The following SPIRE1 variants were observed in gnomAD, a reference collection of about 807,000 sequenced individuals.
The protein encoded by SPIRE1 is protein spire homolog 1.
SPIRE1 carries 40 observed loss-of-function variants against 94.1 expected under a neutral mutation model. The observed-to-expected ratio is 0.43, with a 90% CI of 0.33 to 0.55. SPIRE1 has a LOEUF of 0.55. Among genes scored for constraint, SPIRE1 ranks in the 20% least tolerant of loss-of-function variants. The pLI, the probability that SPIRE1 is intolerant of heterozygous loss-of-function variation, is 0.06. For missense variants in SPIRE1, 838 were observed against 975.2 expected (o/e 0.86, Z 1.87); for synonymous variants, 376 against 371.7 (o/e 1.01, Z -0.13).
chr18:12,600,102 C>CAAA (rs58628339), intron 2 of SPIRE1, among the ~76,000 whole-genome samples: 2,411 of 118,376 alleles, frequency 0.02, 104 homozygotes, highest in African/African-American at 0.07. Context: ...CAATGGCCAG[C>CAAA]AAAAAAAAAA....
intron 12 of SPIRE1, among the ~76,000 whole-genome samples, chr18:12,456,790 A>G (rs2031526929): frequency 6.6e-6 from 1 of 152,152 alleles, no homozygotes; most frequent in Non-Finnish European, 1.5e-5. Flanking sequence ...CATATTTTCA[A>G]CTCACTGCTT....
chr18:12,476,616 C>T (rs4797692), intron 10 of SPIRE1, among the ~76,000 whole-genome samples: 112,477 of 131,666 alleles, frequency 0.85, 49,369 homozygotes, highest in Non-Finnish European at 0.96. Flanking sequence ...CACATATATA[C>T]ACACACATAT....
chr18:12,578,067 G>C (rs2036158657), intron 2 of SPIRE1, among the ~76,000 whole-genome samples: 1 of 152,200 alleles, frequency 6.6e-6, no homozygotes, highest in South Asian at 2.1e-4. Flanking sequence ...TATTGGTGAA[G>C]ATGTGGAAAA....
At chr18:12,538,929 C>G (rs1598448283) in intron 3 of SPIRE1, among the ~76,000 whole-genome samples, 1 of 152,210 alleles carries the variant, frequency 6.6e-6, no homozygotes, top group South Asian at 2.1e-4. Flanking sequence ...TTCTCCATCT[C>G]CTCCACCATC....
At chr18:12,543,801 CAAG>C (rs1389142724) in intron 3 of SPIRE1, among the ~76,000 whole-genome samples, 2 of 152,296 alleles carry the variant, frequency 1.3e-5, no homozygotes, top group East Asian at 1.9e-4. Flanking sequence ...CTACTTCAAA[CAAG>C]GAGAAAGCAG....
At position 12,658,076 on chromosome 18, in the gene SPIRE1, A is replaced by C. The variant is rs139943173; in HGVS notation, c.-210T>G. Reference sequence around the variant, plus strand: ...GACACGGCTGCAGTCCCGGTCAGACAGCCGCCGGCCGGTAGCGACGCGATG... The same window carrying C: ...GACACGGCTGCAGTCCCGGTCAGACCGCCGCCGGCCGGTAGCGACGCGATG... On this transcript the variant is annotated 5_prime_UTR_variant, in exon 1 of 17. Coordinates refer to ENST00000409402, the MANE Select transcript of SPIRE1 (RefSeq NM_001128626.2). 92,428 of 990,582 alleles carry C rather than the reference A, an allele frequency of 0.093. 4,748 individuals carry two copies. The highest frequency in any genetic ancestry group is 0.1 in the Non-Finnish European group (84,209 of 834,290). 61.4% of individuals were successfully genotyped at this position (990,582 alleles called of 1,614,324 possible).
intron 3 of SPIRE1, among the ~76,000 whole-genome samples, chr18:12,539,998 G>A (rs2034966891): frequency 6.6e-6 from 1 of 151,908 alleles, no homozygotes; most frequent in Non-Finnish European, 1.5e-5. Flanking sequence ...GAGGCCAGTG[G>A]TGGGGAGGGG....
intron 2 of SPIRE1, among the ~76,000 whole-genome samples, chr18:12,608,948 G>A (rs1486441803): frequency 1.3e-5 from 2 of 152,258 alleles, no homozygotes; most frequent in East Asian, 3.9e-4. Flanking sequence ...CGGTTACACG[G>A]AAGACAATTT....
chr18:12,589,308 A>T (rs1459366207), intron 2 of SPIRE1, among the ~76,000 whole-genome samples: 1 of 152,178 alleles, frequency 6.6e-6, no homozygotes, highest in African/African-American at 2.4e-5. Flanking sequence ...ATAGAGCTCC[A>T]TTCATATAAA....
At chr18:12,660,946 A>T (rs2038684671), upstream of SPIRE1, among the ~76,000 whole-genome samples, 1 of 152,254 alleles carries the variant, frequency 6.6e-6, no homozygotes. Context: ...CAACATGAAC[A>T]CTTGACTCTT....
intron 2 of SPIRE1, among the ~76,000 whole-genome samples, chr18:12,596,538 G>A (rs1052106317): frequency 6.6e-6 from 1 of 152,032 alleles, no homozygotes; most frequent in African/African-American, 2.4e-5. Context: ...GAAATGTTTT[G>A]ACAGTGTAGG....
At chr18:12,653,490 G>C (rs2144902505) in intron 1 of SPIRE1, 1 of 152,266 alleles carries the variant, frequency 6.6e-6, no homozygotes, top group East Asian at 1.9e-4. Flanking sequence ...CTAGACTCAG[G>C]GTGATTGGGG....
At chr18:12,613,086 T>C (rs2037188204) in intron 2 of SPIRE1, among the ~76,000 whole-genome samples, 1 of 152,224 alleles carries the variant, frequency 6.6e-6, no homozygotes, top group South Asian at 2.1e-4. Context: ...GAGATTTTTA[T>C]CTGTTGTGTT....
chr18:12,499,476 G>A (rs1001637952), intron 6 of SPIRE1, among the ~76,000 whole-genome samples: 7 of 150,920 alleles, frequency 4.6e-5, no homozygotes, highest in African/African-American at 1.5e-4. Context: ...TTGAGATTCC[G>A]TAAGAATTTC....
chr18:12,498,849 T>C (rs2033556798), intron 6 of SPIRE1, among the ~76,000 whole-genome samples: 1 of 152,200 alleles, frequency 6.6e-6, no homozygotes. Flanking sequence ...TCTTGAATGT[T>C]CAGACTCAAG....
chr18:12,605,786 C>T (rs1478535544), intron 2 of SPIRE1, among the ~76,000 whole-genome samples: 2 of 152,156 alleles, frequency 1.3e-5, no homozygotes, highest in African/African-American at 4.8e-5. Flanking sequence ...TATTAGAGTA[C>T]TACTAGCTGC....
At chr18:12,602,107 CATAGACATAT>C (rs1398608475) in intron 2 of SPIRE1, among the ~76,000 whole-genome samples, 1 of 152,106 alleles carries the variant, frequency 6.6e-6, no homozygotes, top group African/African-American at 2.4e-5. Context: ...TACATAAATA[CATAGACATAT>C]ATAGACATAT....
At chr18:12,572,587 T>TAACA (rs1325986091) in intron 2 of SPIRE1, among the ~76,000 whole-genome samples, 1 of 152,008 alleles carries the variant, frequency 6.6e-6, no homozygotes, top group Non-Finnish European at 1.5e-5. Flanking sequence ...CCAGCCAGGG[T>TAACA]AACAGAATGA....
chr18:12,463,996 T>C (rs1255081866), intron 11 of SPIRE1, among the ~76,000 whole-genome samples: 8 of 152,214 alleles, frequency 5.3e-5, no homozygotes, highest in Non-Finnish European at 1.2e-4. Flanking sequence ...GATTCCCATT[T>C]TGAAAACAAA....
Sources: gnomAD v4.1 joint callset for allele counts (sites outside exome capture counted in the v4.1 genomes callset) on GRCh38, gnomAD v4.1.1 for gene constraint, MANE v1.5 for transcripts, NCBI Gene and HGNC (gene_info 2026-07-23, HGNC 2026-07-21) for gene names.